The following CFAP299 variants were observed in gnomAD, a reference collection of about 807,000 sequenced individuals.
The protein encoded by CFAP299 is cilia and flagella associated protein 299, also known as cilia- and flagella-associated protein 299.
A neutral mutation model predicts 27.0 loss-of-function variants in CFAP299; 21 were observed. That is an observed-to-expected ratio of 0.78 (90% CI 0.55 to 1.12). The LOEUF (loss-of-function observed/expected upper bound fraction) is 1.12, where lower values mean the gene tolerates loss of function less well. CFAP299 is among the 50% of genes most tolerant of loss of function. The pLI is 0.00. For missense variants in CFAP299, 310 were observed against 276.6 expected (o/e 1.12, Z -0.86); for synonymous variants, 104 against 98.1 (o/e 1.06, Z -0.36).
chr4:80,625,811 A>G (rs1226088466), intron 3 of CFAP299, among the ~76,000 whole-genome samples: 1 of 152,018 alleles, frequency 6.6e-6, no homozygotes, highest in Non-Finnish European at 1.5e-5. Flanking sequence ...ATCATTATAA[A>G]TGGGTCAATT....
intron 2 of CFAP299, among the ~76,000 whole-genome samples, chr4:80,575,226 TG>T (rs1236149755): frequency 6.6e-6 from 1 of 152,110 alleles, no homozygotes; most frequent in Admixed American, 6.5e-5. Context: ...TCATTTCATG[TG>T]GGTTTTCCAA....
At chr4:80,363,903 A>G (rs1055209404) in intron 2 of CFAP299, among the ~76,000 whole-genome samples, 8 of 152,036 alleles carry the variant, frequency 5.3e-5, no homozygotes, top group African/African-American at 1.9e-4. Context: ...CCTGGCTAAC[A>G]CAGCAAAACC....
At chr4:80,414,377 C>A (rs1163965687) in intron 2 of CFAP299, among the ~76,000 whole-genome samples, 1 of 152,052 alleles carries the variant, frequency 6.6e-6, no homozygotes, top group Non-Finnish European at 1.5e-5. Flanking sequence ...ATGGGTATTT[C>A]TAATGTAGTG....
chr4:80,704,326 A>G (rs1393859239), intron 3 of CFAP299, among the ~76,000 whole-genome samples: 1 of 151,756 alleles, frequency 6.6e-6, no homozygotes. Context: ...CATTTTAATA[A>G]TATCAACTAC....
At chr4:80,705,045 T>G (rs1348388310) in intron 3 of CFAP299, among the ~76,000 whole-genome samples, 1 of 151,744 alleles carries the variant, frequency 6.6e-6, no homozygotes, top group East Asian at 1.9e-4. Flanking sequence ...TCAGGAGTAG[T>G]GCAGGCATTG....
intron 3 of CFAP299, among the ~76,000 whole-genome samples, chr4:80,863,139 C>CA (rs148461664): frequency 0.012 from 1,761 of 151,734 alleles, 35 homozygotes; most frequent in African/African-American, 0.039. Flanking sequence ...CTTTGTTTGA[C>CA]AGCTCTCATT....
At position 80,862,522 on chromosome 4, in the gene CFAP299, A is replaced by C. The variant is rs1221398186; in HGVS notation, c.334-7471A>C. Among the ~76,000 whole-genome samples, 4 of 152,300 alleles carry C rather than the reference A, an allele frequency of 2.6e-5. No individual in the cohort carries two copies. In the East Asian group the frequency reaches 7.7e-4, roughly 29 times the overall value. Reference sequence around the variant, plus strand: ...CAAGCCAGCTATATGCAAAATTCTTAGTTTCTTATGGTAAATAACTACAGA... The same window carrying C: ...CAAGCCAGCTATATGCAAAATTCTTCGTTTCTTATGGTAAATAACTACAGA... On this transcript the variant is annotated intron_variant, in intron 3 of 5. Coordinates refer to ENST00000358105, the MANE Select transcript of CFAP299 (RefSeq NM_152770.3).
At chr4:80,961,465 T>G (rs992304443) in intron 5 of CFAP299, among the ~76,000 whole-genome samples, 3 of 151,826 alleles carry the variant, frequency 2.0e-5, no homozygotes, top group Admixed American at 6.6e-5. Context: ...TCCTAATTTT[T>G]GGAATTTTAT....
At chr4:80,810,371 C>CACACACAT (rs748785714) in intron 3 of CFAP299, among the ~76,000 whole-genome samples, 1 of 151,884 alleles carries the variant, frequency 6.6e-6, no homozygotes, top group Middle Eastern at 3.4e-3. Context: ...CACACACACA[C>CACACACAT]ACATACACAC....
chr4:80,436,400 G>A (rs1728080813), intron 2 of CFAP299, among the ~76,000 whole-genome samples: 3 of 150,778 alleles, frequency 2.0e-5, no homozygotes, highest in African/African-American at 7.3e-5. Flanking sequence ...ACAGGTTCAC[G>A]CCATTCTCCT....
chr4:80,814,012 T>G (rs554198022), intron 3 of CFAP299, among the ~76,000 whole-genome samples: 1 of 152,158 alleles, frequency 6.6e-6, no homozygotes, highest in South Asian at 2.1e-4. Context: ...TTAACGTATA[T>G]TATTCTACAT....
At chr4:80,930,185 A>T (rs2110217939) in intron 4 of CFAP299, among the ~76,000 whole-genome samples, 1 of 152,282 alleles carries the variant, frequency 6.6e-6, no homozygotes, top group East Asian at 1.9e-4. Context: ...AGGCCTCTAT[A>T]AAAACCCAAA....
chr4:80,709,779 C>T (rs1722032364), intron 3 of CFAP299, among the ~76,000 whole-genome samples: 1 of 152,178 alleles, frequency 6.6e-6, no homozygotes, highest in Non-Finnish European at 1.5e-5. Context: ...GTTACTTCAA[C>T]ATTGTGGGAG....
intron 2 of CFAP299, among the ~76,000 whole-genome samples, chr4:80,547,552 C>T (rs747823786): frequency 5.9e-5 from 9 of 151,868 alleles, no homozygotes; most frequent in Admixed American, 2.0e-4. Context: ...AAAGAGCTTC[C>T]GCACAGCAAA....
At chr4:80,867,368 A>G (rs1470394306) in intron 3 of CFAP299, among the ~76,000 whole-genome samples, 1 of 152,188 alleles carries the variant, frequency 6.6e-6, no homozygotes, top group South Asian at 2.1e-4. Flanking sequence ...TTCATGATAT[A>G]TGATACATAT....
At chr4:80,709,461 C>A (rs329403) in intron 3 of CFAP299, among the ~76,000 whole-genome samples, 1 of 152,082 alleles carries the variant, frequency 6.6e-6, no homozygotes, top group East Asian at 1.9e-4. Context: ...ATTACTACTA[C>A]GTTTAAGAAC....
intron 3 of CFAP299, among the ~76,000 whole-genome samples, chr4:80,665,154 A>T (rs1164549495): frequency 6.6e-6 from 1 of 152,168 alleles, no homozygotes; most frequent in African/African-American, 2.4e-5. Flanking sequence ...GGAACTGCAG[A>T]CCGGAGCTGT....
intron 3 of CFAP299, among the ~76,000 whole-genome samples, chr4:80,617,855 A>G (rs187768803): frequency 1.3e-3 from 195 of 152,280 alleles, no homozygotes; most frequent in Non-Finnish European, 2.4e-3. Context: ...GGAAGGAGCC[A>G]TTTGAAATTG....
rs376807525 is a variant in CFAP299 at position 80,733,947 on chromosome 4, T to C, written c.334-136046T>C. Among the ~76,000 whole-genome samples the C allele has an allele frequency of 3.6e-4, 55 of 152,234 alleles. 1 individual carries two copies. The highest frequency in any genetic ancestry group is 1.3e-3 in the African/African-American group (53 of 41,562). On this transcript the variant is annotated intron_variant, in intron 3 of 5. Transcript: ENST00000358105. ...AAACATGGCAGTACAGATATCTCTT[T>C]GATGTACCAATGTCCTTTCTTTTGG...
Sources: gnomAD v4.1 joint callset for allele counts (sites outside exome capture counted in the v4.1 genomes callset) on GRCh38, gnomAD v4.1.1 for gene constraint, MANE v1.5 for transcripts, NCBI Gene and HGNC (gene_info 2026-07-23, HGNC 2026-07-21) for gene names.